The following DPYD variants were observed in gnomAD, a reference collection of about 807,000 sequenced individuals.
DPYD encodes the protein dihydropyrimidine dehydrogenase, also known as dihydropyrimidine dehydrogenase [NADP(+)].
A neutral mutation model predicts 116.2 loss-of-function variants in DPYD; 109 were observed. The ratio of observed to expected loss-of-function variants is 0.94; its 90% CI spans 0.80 to 1.10. The LOEUF is 1.10. Ranked by LOEUF, DPYD falls within the 50% of genes least tolerant of loss-of-function variation. The probability of loss-of-function intolerance (pLI) is 0.00; values close to 1 mark genes in which losing one functional copy is unlikely to be tolerated. For synonymous variants in DPYD, 440 were observed against 432.0 expected (o/e 1.02, Z -0.23); for missense variants, 1,302 against 1,254.5 (o/e 1.04, Z -0.57).
At position 97,679,119 on chromosome 1, in the gene DPYD, A is replaced by G; in HGVS notation, c.826T>C (p.Tyr276His). ...CCTATTCCAATGAAAGCAGCTTTGT[A>G]GCCTTTTTCTTTCAAAGTGCTAAGA... Reference protein sequence around the residue: ...MTLSTLKEKGYKAAFIGIGLP... With the variant: ...MTLSTLKEKGHKAAFIGIGLP... Residue 276 changes from tyrosine to histidine, a missense_variant, in exon 8 of 23, where the codon TAC becomes CAC. Transcript: ENST00000370192. The G allele has an allele frequency of 6.3e-7, 1 of 1,581,064 alleles. No individual in the cohort carries two copies. Among genetic ancestry groups the G allele is most frequent in the Non-Finnish European group, 8.6e-7 (1 of 1,159,134 alleles).
intron 20 of DPYD, among the ~76,000 whole-genome samples, chr1:97,124,443 T>C (rs1652679255): frequency 6.6e-6 from 1 of 152,078 alleles, no homozygotes; most frequent in African/African-American, 2.4e-5. Context: ...AGAGCTACAG[T>C]TACCCAAAAA....
At chr1:97,392,708 C>G (rs191331982) in intron 14 of DPYD, among the ~76,000 whole-genome samples, 32 of 152,138 alleles carry the variant, frequency 2.1e-4, no homozygotes, top group Admixed American at 7.9e-4. Context: ...TCTCAAGCAA[C>G]CACTTTCTTT....
Position 97,533,442 on chromosome 1 carries a change from A to C in DPYD, c.1524+16118T>G, listed in dbSNP as rs192683626. The stretch of plus-strand genomic sequence containing the variant: ...ATGTTGACAAATTTTCAAAAGTGTC[A>C]ATCAAAAAGGTAACAATTGCCATAC... On this transcript the variant is annotated intron_variant, in intron 12 of 22. Coordinates refer to ENST00000370192, the MANE Select transcript of DPYD (RefSeq NM_000110.4). Among the ~76,000 whole-genome samples, 3 of 152,304 alleles carry C rather than the reference A, an allele frequency of 2.0e-5. No individual in the cohort carries two copies. In the East Asian group the frequency reaches 5.8e-4, roughly 29 times the overall value.
At chr1:97,789,389 G>T (rs938058522) in intron 3 of DPYD, among the ~76,000 whole-genome samples, 1 of 152,108 alleles carries the variant, frequency 6.6e-6, no homozygotes, top group Non-Finnish European at 1.5e-5. Flanking sequence ...ACTATACTGG[G>T]AGCATCAATC....
intron 16 of DPYD, among the ~76,000 whole-genome samples, chr1:97,307,767 G>T (rs1332284182): frequency 2.0e-5 from 3 of 151,876 alleles, no homozygotes; most frequent in Non-Finnish European, 4.4e-5. Context: ...ATGGAGATCT[G>T]CCCCTGCCCA....
At chr1:97,888,452 C>A (rs960020588) in intron 1 of DPYD, among the ~76,000 whole-genome samples, 1 of 151,644 alleles carries the variant, frequency 6.6e-6, no homozygotes, top group Admixed American at 6.6e-5. Context: ...AGAAGTTACA[C>A]TGGCTTAAAA....
At position 97,364,750 on chromosome 1, in the gene DPYD, G is replaced by T. The variant is rs558934384; in HGVS notation, c.2058+8811C>A. Among the ~76,000 whole-genome samples the T allele has an allele frequency of 3.3e-5, 5 of 152,266 alleles. No homozygotes were observed. The South Asian group carries it at 1.0e-3, about 32-fold the overall frequency. ...CTGGGGGGTTGTAATAGTTCTCAGA[G>T]AATATGGCTTCCCCAATGATCATGA... On this transcript the variant is annotated intron_variant, in intron 16 of 22. Coordinates refer to ENST00000370192, the MANE Select transcript of DPYD (RefSeq NM_000110.4).
intron 12 of DPYD, among the ~76,000 whole-genome samples, chr1:97,547,226 A>T (rs565109058): frequency 1.1e-4 from 16 of 148,620 alleles, no homozygotes; most frequent in East Asian, 3.9e-4. Flanking sequence ...TGTTATTATT[A>T]AAAAAAACTG....
intron 14 of DPYD, among the ~76,000 whole-genome samples, chr1:97,421,566 C>T (rs1557700675): frequency 6.6e-6 from 1 of 152,122 alleles, no homozygotes; most frequent in Non-Finnish European, 1.5e-5. Flanking sequence ...TACAAGAGTG[C>T]CTATCCCATA....
chr1:97,540,148 C>G (rs1650317174), intron 12 of DPYD, among the ~76,000 whole-genome samples: 3 of 147,576 alleles, frequency 2.0e-5, no homozygotes, highest in Admixed American at 6.6e-5. Context: ...ATGATAGCAC[C>G]AGTTCCTACA....
chr1:97,108,698 A>C (rs1260869800), intron 20 of DPYD, among the ~76,000 whole-genome samples: 1 of 152,156 alleles, frequency 6.6e-6, no homozygotes, highest in Non-Finnish European at 1.5e-5. Context: ...TTTTAATGAA[A>C]GCTATTATAA....
chr1:97,395,760 C>T (rs1672975324), intron 14 of DPYD, among the ~76,000 whole-genome samples: 1 of 151,934 alleles, frequency 6.6e-6, no homozygotes, highest in South Asian at 2.1e-4. Context: ...TGATGATGTA[C>T]CAGAGTTAAA....
chr1:97,235,084 G>A (rs917912595), intron 18 of DPYD, 90 bp from the exon 19 acceptor site: 36 of 1,498,472 alleles, frequency 2.4e-5, no homozygotes, highest in Non-Finnish European at 3.2e-5. Context: ...TGTGATGACA[G>A]CGTCACTGGA....
At chr1:97,746,668 A>G (rs1664574825) in intron 3 of DPYD, among the ~76,000 whole-genome samples, 1 of 152,128 alleles carries the variant, frequency 6.6e-6, no homozygotes, top group Non-Finnish European at 1.5e-5. Context: ...GTATACATTA[A>G]TAACTGCAAA....
chr1:97,705,332 T>A (rs935128833), intron 5 of DPYD, among the ~76,000 whole-genome samples: 2 of 152,086 alleles, frequency 1.3e-5, no homozygotes, highest in Non-Finnish European at 2.9e-5. Flanking sequence ...CCTTCCTGTG[T>A]CCATGTGTTC....
At chr1:97,365,942 T>C (rs914871638) in intron 16 of DPYD, among the ~76,000 whole-genome samples, 2 of 152,318 alleles carry the variant, frequency 1.3e-5, no homozygotes, top group East Asian at 1.9e-4. Context: ...CTATATATAA[T>C]GTTTTTTACT....
intron 8 of DPYD, among the ~76,000 whole-genome samples, chr1:97,668,046 G>A (rs1233195206): frequency 6.6e-6 from 1 of 152,092 alleles, no homozygotes; most frequent in Admixed American, 6.6e-5. Flanking sequence ...TATAGTTTCA[G>A]TTTTGCAAGA....
intron 3 of DPYD, among the ~76,000 whole-genome samples, chr1:97,750,779 C>G (rs1161193056): frequency 6.6e-6 from 1 of 152,082 alleles, no homozygotes; most frequent in Non-Finnish European, 1.5e-5. Flanking sequence ...TTCAACCAAA[C>G]AAGGATTGAA....
At chr1:97,269,863 G>A (rs1160311607) in intron 18 of DPYD, among the ~76,000 whole-genome samples, 1 of 152,100 alleles carries the variant, frequency 6.6e-6, no homozygotes, top group Non-Finnish European at 1.5e-5. Flanking sequence ...TATGAACTTT[G>A]GAGGGAGGGG....
Sources: gnomAD v4.1 joint callset for allele counts (sites outside exome capture counted in the v4.1 genomes callset) on GRCh38, gnomAD v4.1.1 for gene constraint, MANE v1.5 for transcripts, NCBI Gene and HGNC (gene_info 2026-07-23, HGNC 2026-07-21) for gene names.